ZNF398: variants seen among roughly 807,000 people sequenced by gnomAD.
The protein encoded by ZNF398 is zinc finger protein 398.
In ZNF398, 18 loss-of-function variants were observed where a neutral mutation model predicts 41.9. The observed-to-expected ratio is 0.43, with a 90% confidence interval of 0.30 to 0.64. The LOEUF is 0.64. Among genes scored for constraint, ZNF398 ranks in the 30% least tolerant of loss-of-function variants. The probability of loss-of-function intolerance (pLI) is 0.14; values close to 1 mark genes in which losing one functional copy is unlikely to be tolerated. For synonymous variants in ZNF398, 260 were observed against 308.8 expected, an observed-to-expected ratio of 0.84 and a Z score of 1.66; for missense variants, 669 against 822.8, an observed-to-expected ratio of 0.81 and a Z score of 2.29.
chr7:149,144,399 C>T (rs551503301), upstream of ZNF398, among the ~76,000 whole-genome samples: 1 of 152,240 alleles, frequency 6.6e-6, no homozygotes, highest in South Asian at 2.1e-4. Flanking sequence ...CAGCTTCAAC[C>T]TCCCTGGCTC....
intron 2 of ZNF398, among the ~76,000 whole-genome samples, chr7:149,141,854 GC>G (rs1461046510): frequency 1.3e-4 from 20 of 152,170 alleles, no homozygotes; most frequent in African/African-American, 4.6e-4. Context: ...CTCTCAAAAT[GC>G]TGGGATTACA....
Position 149,165,168 on chromosome 7 carries a change from T to A in ZNF398, c.421-990T>A, listed in dbSNP as rs1179355206. 2.6e-5 allele frequency among the ~76,000 whole-genome samples: 4 copies of A among 151,514 alleles called. No individual in the cohort carries two copies. The East Asian group carries it at 7.7e-4, about 29-fold the overall frequency. On this transcript the variant is annotated intron_variant, in intron 2 of 5. Transcript: ENST00000475153. ...GAAAATTTTGACCTGGAATAGTAAA[T>A]CAGTAGTTTTCAGATCCAAGTTACC...
At position 149,166,966 on chromosome 7, in the gene ZNF398, C is replaced by G. The variant is rs377203540; in HGVS notation, c.661+36C>G. The G allele has an allele frequency of 6.1e-6, 9 of 1,476,298 alleles. No individual in the cohort carries two copies. In the African/African-American group the frequency reaches 1.1e-4, roughly 18 times the overall value. 91.4% of individuals were successfully genotyped at this position (1,476,298 alleles called of 1,614,324 possible). A position where few individuals can be genotyped will look rare whatever the true frequency, so the allele number is the denominator to read the frequency against. ...GAAGAGATTCCTACTTCTTGTCTCC[C>G]TTTCCTGGTCAGACATGGTGGCTCA... is the stretch of plus-strand genomic sequence containing the variant. On this transcript the variant is annotated intron_variant, in intron 4 of 5. Coordinates refer to ENST00000475153, the MANE Select transcript of ZNF398 (RefSeq NM_170686.3).
rs1463090350 is a variant in ZNF398, at chr7:149,176,481, A to G, written c.675A>G (p.Ser225=). Residue 225 remains serine, a synonymous_variant, in exon 5 of 6, where the codon TCA becomes TCG. Coordinates refer to ENST00000475153, the MANE Select transcript of ZNF398 (RefSeq NM_170686.3). ...PTDPSEEPGI[S]TSDILSWIKQ... is the part of the protein sequence containing the mutation. ...CCCACAAATTAGAGCCTGGTATTTC[A>G]ACATCAGATATTCTGTCTTGGATTA... 1 of 1,613,722 alleles carries G rather than the reference A, an allele frequency of 6.2e-7. No individual in the cohort carries two copies. Among genetic ancestry groups the G allele is most frequent in the Non-Finnish European group, 8.5e-7 (1 of 1,179,802 alleles).
At chr7:149,163,371 ATTTTTTT>A (rs36093586) in intron 2 of ZNF398, among the ~76,000 whole-genome samples, 3 of 125,356 alleles carry the variant, frequency 2.4e-5, no homozygotes, top group Non-Finnish European at 3.4e-5. Flanking sequence ...TGCCCAGCTA[ATTTTTTT>A]TTTTTTTTTT....
At chr7:149,149,485 A>C (rs564445489) in intron 1 of ZNF398, among the ~76,000 whole-genome samples, 1 of 152,008 alleles carries the variant, frequency 6.6e-6, no homozygotes, top group African/African-American at 2.4e-5. Flanking sequence ...GCCCGCTGGG[A>C]TCCAAAGTGC....
At position 149,180,899 on chromosome 7, in the gene ZNF398, C is replaced by T. The variant is rs1795574399; in HGVS notation, c.*1098C>T. 6.6e-6 allele frequency: 1 copy of T among 152,282 alleles called. No homozygotes were observed. The highest frequency in any genetic ancestry group is 6.5e-5 in the Admixed American group (1 of 15,278). 9.4% of individuals were successfully genotyped at this position (152,282 alleles called of 1,614,324 possible). ...CAGAGAGAGTGTATGTTCACCCTAT[C>T]TGGCTGTATCCCATTGGCAGTGGAC... On this transcript the variant is annotated 3_prime_UTR_variant, in exon 6 of 6. Coordinates refer to ENST00000475153, the MANE Select transcript of ZNF398 (RefSeq NM_170686.3).
chr7:149,133,743 A>T (rs1271956570), intron 2 of ZNF398, among the ~76,000 whole-genome samples: 6 of 127,224 alleles, frequency 4.7e-5, no homozygotes, highest in Admixed American at 8.6e-5. Context: ...GTTTTTTGTG[A>T]CCTTCAGATT....
intron 4 of ZNF398, among the ~76,000 whole-genome samples, chr7:149,169,528 T>C (rs1288806476): frequency 6.6e-6 from 1 of 152,172 alleles, no homozygotes; most frequent in Non-Finnish European, 1.5e-5. Context: ...CTGAGATCAG[T>C]GCAGCCTGTG....
At chr7:149,133,727 A>ATG (rs1262451338) in intron 2 of ZNF398, among the ~76,000 whole-genome samples, 1 of 111,950 alleles carries the variant, frequency 8.9e-6, no homozygotes, top group African/African-American at 3.8e-5. Flanking sequence ...ATGTATATAT[A>ATG]TATTTGTTTT....
At chr7:149,169,297 C>A (rs1433271743) in intron 4 of ZNF398, among the ~76,000 whole-genome samples, 2 of 152,124 alleles carry the variant, frequency 1.3e-5, no homozygotes, top group African/African-American at 4.8e-5. Context: ...GTTGGCCAGG[C>A]CGGTCTTGAA....
chr7:149,151,194 T>C lies in ZNF398; in HGVS notation c.25-2751T>C, dbSNP rs529033134. ...TATGTGGTGACAGCAGTTTACCTGGTGATTTCCTCTAGGCACGCTTACTAA... is the reference window on the plus strand; with the variant it reads ...TATGTGGTGACAGCAGTTTACCTGGCGATTTCCTCTAGGCACGCTTACTAA... On this transcript the variant is annotated intron_variant, in intron 1 of 5. Transcript: ENST00000475153. The C allele has an allele frequency of 7.6e-6, 9 of 1,178,928 alleles. No homozygotes were observed. In the South Asian group the frequency reaches 1.3e-4, roughly 18 times the overall value. The allele number at this position is 1,178,928 out of a possible 1,614,324, so 73.0% of individuals were successfully genotyped here. A position where few individuals can be genotyped will look rare whatever the true frequency, so the allele number is the denominator to read the frequency against.
At chr7:149,163,574 A>G (rs926077033) in intron 2 of ZNF398, among the ~76,000 whole-genome samples, 2 of 151,858 alleles carry the variant, frequency 1.3e-5, no homozygotes, top group African/African-American at 4.8e-5. Context: ...GGGTTTCTCC[A>G]TATTGGTCAG....
At chr7:149,157,380 A>G (rs1056123474) in intron 2 of ZNF398, among the ~76,000 whole-genome samples, 2 of 151,368 alleles carry the variant, frequency 1.3e-5, no homozygotes, top group African/African-American at 4.9e-5. Flanking sequence ...TAAAAAATAT[A>G]TAAAATTAGC....
At chr7:149,178,194 A>G (rs1795504357) in intron 5 of ZNF398, among the ~76,000 whole-genome samples, 1 of 151,872 alleles carries the variant, frequency 6.6e-6, no homozygotes, top group South Asian at 2.1e-4. Context: ...CGGGAGGCTG[A>G]GGCAGGAGAA....
upstream of ZNF398, among the ~76,000 whole-genome samples, chr7:149,142,720 A>G (rs140781078): frequency 2.6e-5 from 4 of 152,316 alleles, no homozygotes; most frequent in East Asian, 7.7e-4. Flanking sequence ...AATCACGCTT[A>G]ACTTTTTATG....
intron 4 of ZNF398, among the ~76,000 whole-genome samples, chr7:149,169,394 C>T (rs1363711834): frequency 6.6e-6 from 1 of 152,002 alleles, no homozygotes; most frequent in Non-Finnish European, 1.5e-5. Flanking sequence ...CTGTTATTTT[C>T]TGTTGGTTGA....
Position 149,147,560 on chromosome 7 carries a change from G to T in ZNF398, c.-183G>T. 1 of 563,306 alleles carries T rather than the reference G, an allele frequency of 1.8e-6. No homozygotes were observed. Among genetic ancestry groups the T allele is most frequent in the Non-Finnish European group, 2.5e-6 (1 of 394,602 alleles). The allele number at this position is 563,306 out of a possible 1,614,324, so 34.9% of individuals were successfully genotyped here. On this transcript the variant is annotated 5_prime_UTR_variant, in exon 1 of 6. Transcript: ENST00000475153. The surrounding 1 kb of genome is among the most constrained non-coding windows in gnomAD (Gnocchi z 5.6). ...CCGCCGCCTGCTGCACCGCGCCTCC[G>T]CCGCGTTCCTGCGCGTCCCGAGCCC...
intron 4 of ZNF398, among the ~76,000 whole-genome samples, chr7:149,172,711 CCA>C (rs946454085): frequency 2.6e-5 from 4 of 152,112 alleles, no homozygotes; most frequent in African/African-American, 9.7e-5. Context: ...AAAGTTACGG[CCA>C]CAGTGTGTGA....
Sources: allele counts gnomAD v4.1 joint callset (sites outside exome capture counted in the v4.1 genomes callset), GRCh38; gene constraint gnomAD v4.1.1; non-coding constraint Gnocchi (gnomAD v3.1); transcripts MANE v1.5; gene names NCBI Gene and HGNC (gene_info 2026-07-23, HGNC 2026-07-21).